The following PIK3CD variants were observed in gnomAD, a reference collection of about 807,000 sequenced individuals.
PIK3CD encodes the protein phosphatidylinositol 4,5-bisphosphate 3-kinase catalytic subunit delta isoform.
A neutral mutation model predicts 122.9 loss-of-function variants in PIK3CD; 20 were observed. That is an observed-to-expected ratio of 0.16 (90% confidence interval 0.11 to 0.24). PIK3CD has a LOEUF of 0.24. Ranked by LOEUF, PIK3CD falls within the 10% of genes least tolerant of loss-of-function variation. The pLI is 1.00. For synonymous variants in PIK3CD, 596 were observed against 593.4 expected, an observed-to-expected ratio of 1.00 and a Z score of -0.06; for missense variants, 787 against 1,406.3, an observed-to-expected ratio of 0.56 and a Z score of 7.04.
At chr1:9,659,779 T>G (rs1487090481) in intron 1 of PIK3CD, among the ~76,000 whole-genome samples, 1 of 152,202 alleles carries the variant, frequency 6.6e-6, no homozygotes, top group Non-Finnish European at 1.5e-5. Flanking sequence ...AGACAGTGTC[T>G]TGCTCTGTCA....
the PIK3CD span, among the ~76,000 whole-genome samples, chr1:9,631,638 A>AGCCT: frequency 6.6e-6 from 1 of 152,224 alleles, no homozygotes; most frequent in Non-Finnish European, 1.5e-5. Flanking sequence ...CCTGGGTGAC[A>AGCCT]GCCTGGGTGA....
rs1039146799 is a variant in PIK3CD at position 9,718,086 on chromosome 1, G to A, written c.1020+460G>A. 1.3e-5 allele frequency: 6 copies of A among 467,670 alleles called. No homozygotes were observed. Among genetic ancestry groups the A allele is most frequent in the African/African-American group, 5.9e-5 (3 of 50,548 alleles). 29.0% of individuals were successfully genotyped at this position (467,670 alleles called of 1,614,324 possible). ...CTGTTGTCTCTTAACACTTTCACAC[G>A]CTCCATCGCAACAGCCTGCAGTCAT... is the stretch of plus-strand genomic sequence containing the variant. On this transcript the variant is annotated intron_variant, in intron 8 of 23. Coordinates refer to ENST00000377346, the MANE Select transcript of PIK3CD (RefSeq NM_005026.5). The surrounding 1 kb of genome is among the most constrained non-coding windows in gnomAD (Gnocchi z 7.2).
rs1294368759 is a variant in PIK3CD, at chr1:9,688,016, G to T, written c.-137-3451G>T. Among the ~76,000 whole-genome samples the T allele has an allele frequency of 2.0e-5, 3 of 152,308 alleles. No individual in the cohort carries two copies. The South Asian group carries it at 6.2e-4, about 32-fold the overall frequency. On this transcript the variant is annotated intron_variant, in intron 1 of 23. Coordinates refer to ENST00000377346, the MANE Select transcript of PIK3CD (RefSeq NM_005026.5). ...GGAGGGAAGCGTCAGGCCTGGCTGC[G>T]CGCGCCCTGGCTAGGGAGCTCCGAG...
intron 1 of PIK3CD, among the ~76,000 whole-genome samples, chr1:9,672,011 G>A (rs879872660): frequency 2.8e-4 from 42 of 152,226 alleles, no homozygotes; most frequent in South Asian, 8.3e-4. Context: ...CTTGTGCTGC[G>A]GGTTCCCAGG....
intron 2 of PIK3CD, among the ~76,000 whole-genome samples, chr1:9,702,338 T>C (rs998594933): frequency 4.1e-4 from 62 of 151,448 alleles, no homozygotes; most frequent in African/African-American, 1.5e-3. Context: ...AGGGAGAACA[T>C]TGAGTGGTTT....
At chr1:9,682,572 C>T (rs994956320) in intron 1 of PIK3CD, among the ~76,000 whole-genome samples, 2 of 148,394 alleles carry the variant, frequency 1.3e-5, no homozygotes, top group Admixed American at 1.3e-4. Context: ...GACGGAGTCT[C>T]GCTGTCTCAC....
intron 2 of PIK3CD, among the ~76,000 whole-genome samples, chr1:9,701,391 G>A (rs1165964644): frequency 6.6e-6 from 1 of 152,130 alleles, no homozygotes; most frequent in East Asian, 1.9e-4. Context: ...TAAAATCAAA[G>A]CCGGGCGCGG....
At chr1:9,658,167 G>T (rs1017858545) in intron 1 of PIK3CD, among the ~76,000 whole-genome samples, 7 of 152,028 alleles carry the variant, frequency 4.6e-5, no homozygotes, top group African/African-American at 1.4e-4. Flanking sequence ...AGGATCACTT[G>T]AGCCCAGGAG....
At chr1:9,649,123 A>ACAAACAAAC (rs1553155828), upstream of PIK3CD, among the ~76,000 whole-genome samples, 1 of 150,846 alleles carries the variant, frequency 6.6e-6, no homozygotes, top group Non-Finnish European at 1.5e-5. Context: ...AAACAAACAA[A>ACAAACAAAC]AAAAGCAAAA....
At chr1:9,638,383 T>A in the PIK3CD span, among the ~76,000 whole-genome samples, 22 of 151,956 alleles carry the variant, frequency 1.4e-4, no homozygotes, top group Admixed American at 1.4e-3. Context: ...CACCTCCCCA[T>A]AGCTTGTCAC....
Position 9,717,249 on chromosome 1 carries a change from AC to A in PIK3CD, c.930+143del. ...TGAGCTGGGGAAGCCAACACAGCTGACCAGCGTCCTGGGCTGGGGGCCTGTG... is the reference window on the plus strand; with the variant it reads ...TGAGCTGGGGAAGCCAACACAGCTGACAGCGTCCTGGGCTGGGGGCCTGTG... On this transcript the variant is annotated intron_variant, in intron 7 of 23. Transcript: ENST00000377346. This position sits in a 1 kb window ranked among gnomAD's most constrained non-coding sequence, Gnocchi z 5.4. The A allele has an allele frequency of 8.8e-7, 1 of 1,132,326 alleles. No homozygotes were observed. The highest frequency in any genetic ancestry group is 1.3e-6 in the Non-Finnish European group (1 of 771,782). The allele number at this position is 1,132,326 out of a possible 1,614,324, so 70.1% of individuals were successfully genotyped here.
chr1:9,701,998 G>T (rs1177152910), intron 2 of PIK3CD, among the ~76,000 whole-genome samples: 10 of 150,274 alleles, frequency 6.7e-5, no homozygotes, highest in African/African-American at 2.2e-4. Flanking sequence ...TTGTTTTTTT[G>T]GTTTTTTTTT....
At chr1:9,631,740 T>G in the PIK3CD span, among the ~76,000 whole-genome samples, 11 of 152,252 alleles carry the variant, frequency 7.2e-5, no homozygotes, top group Admixed American at 7.2e-4. Flanking sequence ...GTTCATTCCA[T>G]TCTGGTCCTG....
intron 2 of PIK3CD, chr1:9,691,873 TGAC>T (rs1430574066): frequency 1.2e-5 from 3 of 258,262 alleles, no homozygotes; most frequent in Non-Finnish European, 1.5e-5. Context: ...ATTTGGTATT[TGAC>T]TCACACTGGC....
rs893321537 is a variant in PIK3CD at position 9,720,936 on chromosome 1, G to A, written c.1689+27G>A. ...TGGGTGGGGAGGCGCACCTGGGGGCGGAGCTGGGGGCAGACCACAGCCTCT... is the reference window on the plus strand; with the variant it reads ...TGGGTGGGGAGGCGCACCTGGGGGCAGAGCTGGGGGCAGACCACAGCCTCT... On this transcript the variant is annotated intron_variant, in intron 13 of 23. Transcript: ENST00000377346. The surrounding 1 kb of genome is among the most constrained non-coding windows in gnomAD (Gnocchi z 9.0). The A allele has an allele frequency of 1.6e-5, 25 of 1,556,478 alleles. No homozygotes were observed. The highest frequency in any genetic ancestry group is 2.4e-5 in the East Asian group (1 of 41,638).
rs1008761488 is a variant in PIK3CD, at chr1:9,718,014, T to C, written c.1020+388T>C. On this transcript the variant is annotated intron_variant, in intron 8 of 23. Coordinates refer to ENST00000377346, the MANE Select transcript of PIK3CD (RefSeq NM_005026.5). This position sits in a 1 kb window ranked among gnomAD's most constrained non-coding sequence, Gnocchi z 7.2. Reference sequence around the variant, plus strand: ...AGGCACCAGGGCGGTGCCTGCAGCCTGTGAGGGCTGCACCTGCCTCAACCT... The same window carrying C: ...AGGCACCAGGGCGGTGCCTGCAGCCCGTGAGGGCTGCACCTGCCTCAACCT... The C allele has an allele frequency of 4.7e-5, 22 of 464,760 alleles. No individual in the cohort carries two copies. Among genetic ancestry groups the C allele is most frequent in the Admixed American group, 9.7e-5 (4 of 41,106 alleles). 28.8% of individuals were successfully genotyped at this position (464,760 alleles called of 1,614,324 possible).
chr1:9,686,365 C>CT (rs59087456), intron 1 of PIK3CD, among the ~76,000 whole-genome samples: 3,633 of 137,630 alleles, frequency 0.026, 93 homozygotes, highest in African/African-American at 0.064. Flanking sequence ...GGCTAATTTT[C>CT]TTTTTTTTTT....
intron 1 of PIK3CD, among the ~76,000 whole-genome samples, chr1:9,685,510 C>T (rs890569429): frequency 1.3e-5 from 2 of 151,990 alleles, no homozygotes; most frequent in Non-Finnish European, 2.9e-5. Flanking sequence ...AGGCATGCAC[C>T]ACCACACCTG....
rs1030265317 is a variant in PIK3CD at position 9,719,281 on chromosome 1, A to C, written c.1242+366A>C. Among the ~76,000 whole-genome samples the C allele has an allele frequency of 1.3e-4, 20 of 152,170 alleles. No homozygotes were observed. The highest frequency in any genetic ancestry group is 2.5e-4 in the Non-Finnish European group (17 of 68,028). ...TGGCTGGGTGCTGAGTCACGGTCCC[A>C]GGATATGGCTCCCCTCGGAGCTGAC... On this transcript the variant is annotated intron_variant, in intron 9 of 23. Coordinates refer to ENST00000377346, the MANE Select transcript of PIK3CD (RefSeq NM_005026.5). This position sits in a 1 kb window ranked among gnomAD's most constrained non-coding sequence, Gnocchi z 5.5.
Sources: gnomAD v4.1 joint callset for allele counts (sites outside exome capture counted in the v4.1 genomes callset) on GRCh38, gnomAD v4.1.1 for gene constraint, Gnocchi (gnomAD v3.1) non-coding constraint, MANE v1.5 for transcripts, NCBI Gene and HGNC (gene_info 2026-07-23, HGNC 2026-07-21) for gene names.